The following CD1B variants were observed in gnomAD, a reference collection of about 807,000 sequenced individuals.
CD1B encodes CD1b molecule.
A neutral mutation model predicts 39.8 loss-of-function variants in CD1B; 43 were observed. That is an observed-to-expected ratio of 1.08 (90% CI 0.85 to 1.39). CD1B has a LOEUF of 1.39. Among genes scored for constraint, CD1B ranks in the 40% most tolerant of loss-of-function variants. The pLI is 0.00. For missense variants in CD1B, 495 were observed against 403.8 expected, an observed-to-expected ratio of 1.23 and a Z score of -1.94; for synonymous variants, 192 against 152.5, an observed-to-expected ratio of 1.26 and a Z score of -1.91.
intron 4 of CD1B, 40 bp downstream of exon 4, chr1:158,329,330 C>T: frequency 6.3e-7 from 1 of 1,588,318 alleles, no homozygotes; most frequent in Non-Finnish European, 8.6e-7. Flanking sequence ...CTGAAGATCA[C>T]TTCCTGGCAT....
the CD1B span, among the ~76,000 whole-genome samples, chr1:158,302,602 G>A: frequency 3.3e-5 from 5 of 152,146 alleles, no homozygotes; most frequent in Non-Finnish European, 7.4e-5. Flanking sequence ...GACAAAGGGG[G>A]CATTGCCACC....
At chr1:158,302,587 G>A in the CD1B span, among the ~76,000 whole-genome samples, 1 of 151,998 alleles carries the variant, frequency 6.6e-6, no homozygotes, top group Non-Finnish European at 1.5e-5. Flanking sequence ...AACCCAATCA[G>A]AAATGACAAA....
At position 158,329,605 on chromosome 1, in the gene CD1B, A is replaced by G; in HGVS notation, c.651T>C (p.Pro217=). The stretch of plus-strand genomic sequence containing the variant: ...CATGGCACACAAGCTGCAGACGGCC[A>G]GGTCCAGGACTGGGGCCACTGGACA... ...AWLSSGPSPG[P]GRLQLVCHVS... is the part of the protein sequence containing the mutation. The change falls in exon 4 of 6, where the codon CCT becomes CCC. Residue 217 remains proline, a synonymous_variant. Transcript: ENST00000368168. The G allele has an allele frequency of 3.7e-6, 6 of 1,614,172 alleles. No homozygotes were observed. Among genetic ancestry groups the G allele is most frequent in the Non-Finnish European group, 4.2e-6 (5 of 1,180,042 alleles).
the CD1B span, among the ~76,000 whole-genome samples, chr1:158,295,222 G>T: frequency 6.6e-6 from 1 of 152,048 alleles, no homozygotes; most frequent in Non-Finnish European, 1.5e-5. Context: ...TATACTCTGA[G>T]AAGATCATTG....
the CD1B span, among the ~76,000 whole-genome samples, chr1:158,319,708 A>T: frequency 6.6e-6 from 1 of 152,182 alleles, no homozygotes; most frequent in East Asian, 1.9e-4. Flanking sequence ...GCTGGTGAGG[A>T]ACTGCGTTCC....
the CD1B span, among the ~76,000 whole-genome samples, chr1:158,296,042 C>T: frequency 6.6e-6 from 1 of 152,124 alleles, no homozygotes; most frequent in African/African-American, 2.4e-5. Context: ...GACCTTCTAC[C>T]CTGCTGCCCC....
At chr1:158,318,414 G>A in the CD1B span, among the ~76,000 whole-genome samples, 8 of 152,156 alleles carry the variant, frequency 5.3e-5, no homozygotes, top group Non-Finnish European at 1.0e-4. Context: ...TTACCATTCT[G>A]TAATGGTCTT....
chr1:158,331,111 A>G (rs769420641), intron 1 of CD1B, 49 bp from the exon 2 acceptor site: 1 of 1,524,826 alleles, frequency 6.6e-7, no homozygotes, highest in South Asian at 1.3e-5. Context: ...GAGAAGCAGG[A>G]GACAATTAGG....
At chr1:158,293,226 A>G in the CD1B span, 2 of 1,613,664 alleles carry the variant, frequency 1.2e-6, no homozygotes, top group African/African-American at 1.3e-5. Context: ...CCACTTTTCC[A>G]TGAATTGGAT....
At chr1:158,318,471 G>T in the CD1B span, among the ~76,000 whole-genome samples, 2 of 152,112 alleles carry the variant, frequency 1.3e-5, no homozygotes, top group Non-Finnish European at 2.9e-5. Flanking sequence ...TTTTATCAGA[G>T]ACTAGGATTG....
chr1:158,320,193 G>A, the CD1B span, among the ~76,000 whole-genome samples: 69 of 152,336 alleles, frequency 4.5e-4, no homozygotes, highest in African/African-American at 1.4e-3. Context: ...CACCCAGTTC[G>A]AGCTTCCTGG....
the CD1B span, among the ~76,000 whole-genome samples, chr1:158,318,078 G>A: frequency 6.6e-6 from 1 of 152,042 alleles, no homozygotes; most frequent in African/African-American, 2.4e-5. Flanking sequence ...GAGCTTTACT[G>A]CCAACTATGT....
Position 158,331,182 on chromosome 1 carries a change from T to G in CD1B, c.62-120A>C, listed in dbSNP as rs115715931. The G allele has an allele frequency of 2.4e-4, 283 of 1,192,742 alleles. No individual in the cohort carries two copies. In the African/African-American group the frequency reaches 3.1e-3, roughly 13 times the overall value. The allele number at this position is 1,192,742 out of a possible 1,614,324, so 73.9% of individuals were successfully genotyped here. ...CCTAGAGTCTAAAGAACACAGGAAG[T>G]CTGACACATTTGACTGCCTTAAGGC... is the stretch of plus-strand genomic sequence containing the variant. On this transcript the variant is annotated intron_variant, in intron 1 of 5. Coordinates refer to ENST00000368168, the MANE Select transcript of CD1B (RefSeq NM_001764.3).
Position 158,329,541 on chromosome 1 carries a change from T to A in CD1B, c.715A>T (p.Met239Leu). Residue 239 changes from methionine to leucine, a missense_variant, in exon 4 of 6, where the codon ATG becomes TTG. Transcript: ENST00000368168. ...FYPKPVWVMW[M>L]RGEQEQQGTQ... is the part of the protein sequence containing the mutation. Reference sequence around the variant, plus strand: ...CCCTGCTGCTCCTGCTCACCCCGCATCCACATCACCCACACGGGCTTTGGG... The same window carrying A: ...CCCTGCTGCTCCTGCTCACCCCGCAACCACATCACCCACACGGGCTTTGGG... 1 of 1,614,014 alleles carries A rather than the reference T, an allele frequency of 6.2e-7. No individual in the cohort carries two copies. Among genetic ancestry groups the A allele is most frequent in the Non-Finnish European group, 8.5e-7 (1 of 1,179,984 alleles).
chr1:158,331,061 G>A lies in CD1B; in HGVS notation c.63C>T (p.Ala21=). 2 of 1,601,928 alleles carry A rather than the reference G, an allele frequency of 1.2e-6. No individual in the cohort carries two copies. The highest frequency in any genetic ancestry group is 1.1e-5 in the South Asian group (1 of 88,936). ...VLFPGGNSEH[A]FQGPTSFHVI... ...CATGAAAGGAGGTCGGCCCCTGGAA[G>A]GCTGTGAAGAGTGGAAAAGCAAGAT... Residue 21 remains alanine, a splice_region_variant and synonymous_variant, in exon 2 of 6, where the codon GCC becomes GCT. Coordinates refer to ENST00000368168, the MANE Select transcript of CD1B (RefSeq NM_001764.3).
At chr1:158,306,258 A>T in the CD1B span, among the ~76,000 whole-genome samples, 4 of 148,542 alleles carry the variant, frequency 2.7e-5, no homozygotes, top group African/African-American at 1.0e-4. Flanking sequence ...ATGGAAAACA[A>T]AAAAAGGCAG....
the CD1B span, chr1:158,293,575 G>A: frequency 2.5e-6 from 4 of 1,613,426 alleles, no homozygotes; most frequent in South Asian, 1.1e-5. Flanking sequence ...CATTTAAATT[G>A]TTTCTCTTTC....
the CD1B span, among the ~76,000 whole-genome samples, chr1:158,296,905 A>C: frequency 6.6e-6 from 1 of 152,222 alleles, no homozygotes; most frequent in African/African-American, 2.4e-5. Flanking sequence ...TAAAGAAAAA[A>C]TAATACAGAA....
At chr1:158,291,293 G>T in the CD1B span, 1 of 1,614,096 alleles carries the variant, frequency 6.2e-7, no homozygotes, top group Non-Finnish European at 8.5e-7. Flanking sequence ...TGGTCCAAGG[G>T]CAACTTCAGC....
Sources: gnomAD v4.1 joint callset for allele counts (sites outside exome capture counted in the v4.1 genomes callset) on GRCh38, gnomAD v4.1.1 for gene constraint, MANE v1.5 for transcripts, NCBI Gene and HGNC (gene_info 2026-07-23, HGNC 2026-07-21) for gene names.